The following CUBN variants were observed in gnomAD, a reference collection of about 807,000 sequenced individuals.
The protein encoded by CUBN is 460 kDa receptor.
In CUBN, 282 loss-of-function variants were observed where a neutral mutation model predicts 405.3. The ratio of observed to expected loss-of-function variants is 0.70; its 90% CI spans 0.63 to 0.77. CUBN has a LOEUF of 0.77. Ranked by LOEUF, CUBN falls within the 30% of genes least tolerant of loss-of-function variation. The pLI, the probability that CUBN is intolerant of heterozygous loss-of-function variation, is 0.00. For missense variants in CUBN, 4,514 were observed against 4,475.2 expected, an observed-to-expected ratio of 1.01 and a Z score of -0.25; for synonymous variants, 1,684 against 1,617.0, an observed-to-expected ratio of 1.04 and a Z score of -0.99.
chr10:17,048,877 G>C (rs1158795372), intron 22 of CUBN, among the ~76,000 whole-genome samples: 2 of 152,172 alleles, frequency 1.3e-5, no homozygotes, highest in Non-Finnish European at 2.9e-5. Context: ...TGAAAACATA[G>C]AGATGCATAG....
At chr10:16,957,020 G>C (rs1588518874) in intron 31 of CUBN, among the ~76,000 whole-genome samples, 1 of 152,100 alleles carries the variant, frequency 6.6e-6, no homozygotes, top group Non-Finnish European at 1.5e-5. Flanking sequence ...TTTATTTGTG[G>C]TGAGACCATT....
At position 16,840,973 on chromosome 10, in the gene CUBN, G is replaced by A; in HGVS notation, c.9738C>T (p.Ile3246=). The change falls in exon 61 of 67, where the codon ATC becomes ATT. Residue 3246 remains isoleucine (I), a synonymous_variant. Transcript: ENST00000377833. The stretch of plus-strand genomic sequence containing the variant: ...GAACCGTAAGGAAGTTACCAGAAGA[G>A]ATAAAAGGAGCAGGTACTGTGGAAC... ...FCGSTVPAPF[I]SSGNFLTVQF... 1 of 1,613,986 alleles carries A rather than the reference G, an allele frequency of 6.2e-7. No homozygotes were observed. Among genetic ancestry groups the A allele is most frequent in the Non-Finnish European group, 8.5e-7 (1 of 1,179,918 alleles).
Position 17,084,297 on chromosome 10 carries a change from T to C in CUBN, c.2275A>G (p.Ser759Gly), listed in dbSNP as rs1025857840. 6 of 1,613,992 alleles carry C rather than the reference T, an allele frequency of 3.7e-6. No homozygotes were observed. Among genetic ancestry groups the C allele is most frequent in the African/African-American group, 2.7e-5 (2 of 74,930 alleles). ...TCAATGTAATTCTGAGAACTGTCACTCTGGCATTGCAGCTCCACGTGGGTG... is the reference window on the plus strand; with the variant it reads ...TCAATGTAATTCTGAGAACTGTCACCCTGGCATTGCAGCTCCACGTGGGTG... ...NFTHVELQCQ[S>G]DSSQNYIEVR... The change falls in exon 17 of 67, where the codon AGT (serine) becomes GGT (glycine). Residue 759 changes from serine (S) to glycine (G), a missense_variant. Ser to Gly is a moderately conservative substitution (Grantham distance 56, BLOSUM62 0). Transcript: ENST00000377833.
At chr10:16,844,853 T>C (rs1236690847) in intron 60 of CUBN, among the ~76,000 whole-genome samples, 1 of 152,148 alleles carries the variant, frequency 6.6e-6, no homozygotes, top group Non-Finnish European at 1.5e-5. Flanking sequence ...GGGGGAATCA[T>C]ATATAAACTG....
chr10:16,941,609 T>C (rs754360910), intron 36 of CUBN, among the ~76,000 whole-genome samples: 5 of 152,180 alleles, frequency 3.3e-5, no homozygotes, highest in Non-Finnish European at 7.3e-5. Context: ...TTTGGGAGGC[T>C]GAGGTGGGAG....
intron 36 of CUBN, among the ~76,000 whole-genome samples, chr10:16,944,967 T>G (rs936431524): frequency 2.0e-5 from 3 of 152,228 alleles, no homozygotes; most frequent in African/African-American, 7.2e-5. Context: ...GACATCTTCT[T>G]TAACCTTCAC....
chr10:16,892,000 G>A (rs550597263), intron 54 of CUBN, among the ~76,000 whole-genome samples: 6 of 152,284 alleles, frequency 3.9e-5, no homozygotes, highest in South Asian at 2.1e-4. Flanking sequence ...CACATGGAAT[G>A]ATACCAAATT....
intron 54 of CUBN, 128 bp downstream of exon 54, chr10:16,898,868 T>A (rs1841273298): frequency 1.4e-6 from 1 of 737,216 alleles, no homozygotes; most frequent in Non-Finnish European, 2.5e-6. Flanking sequence ...TCTCACTTTC[T>A]CACTTTTCAT....
intron 14 of CUBN, among the ~76,000 whole-genome samples, chr10:17,093,623 T>C (rs1836311894): frequency 6.6e-6 from 1 of 151,406 alleles, no homozygotes; most frequent in Non-Finnish European, 1.5e-5. Flanking sequence ...CTGCAACATA[T>C]CACGTATAAT....
chr10:16,982,379 G>T, intron 31 of CUBN, 105 bp downstream of exon 31: 2 of 1,037,474 alleles, frequency 1.9e-6, no homozygotes, highest in Non-Finnish European at 2.9e-6. Context: ...CCTATGAATC[G>T]ACATTAAAAA....
At chr10:16,888,027 G>A (rs914659281) in intron 56 of CUBN, among the ~76,000 whole-genome samples, 26 of 152,078 alleles carry the variant, frequency 1.7e-4, no homozygotes, top group African/African-American at 4.8e-4. Context: ...TAAAAATGTC[G>A]AACTCATAGA....
At chr10:16,858,283 T>C (rs573622227) in intron 59 of CUBN, among the ~76,000 whole-genome samples, 147 of 152,348 alleles carry the variant, frequency 9.6e-4, no homozygotes, top group Non-Finnish European at 1.8e-3. Context: ...GCAAGGTTTT[T>C]CTGCAAACAT....
At chr10:17,071,370 T>C in intron 19 of CUBN, 56 bp downstream of exon 19, 3 of 1,544,064 alleles carry the variant, frequency 1.9e-6, no homozygotes, top group East Asian at 2.4e-5. Context: ...CAACAACCCA[T>C]AATATTTTTT....
intron 42 of CUBN, 76 bp downstream of exon 42, chr10:16,925,508 A>G: frequency 1.9e-6 from 3 of 1,608,846 alleles, no homozygotes; most frequent in Non-Finnish European, 2.6e-6. Context: ...ATGTCCCAGG[A>G]GAGAAAAATT....
At chr10:17,063,918 A>T (rs1439678917) in intron 22 of CUBN, among the ~76,000 whole-genome samples, 1 of 152,222 alleles carries the variant, frequency 6.6e-6, no homozygotes, top group African/African-American at 2.4e-5. Context: ...AGAGAGTTCA[A>T]GTGACTTGCT....
chr10:16,849,505 G>A (rs1172284785), intron 60 of CUBN, among the ~76,000 whole-genome samples: 1 of 152,132 alleles, frequency 6.6e-6, no homozygotes, highest in Non-Finnish European at 1.5e-5. Flanking sequence ...TCACTTGTCT[G>A]TCTTGCTCTC....
At position 16,877,036 on chromosome 10, in the gene CUBN, G is replaced by A. The variant is rs560485793; in HGVS notation, c.8967C>T (p.Ser2989=). The A allele has an allele frequency of 1.8e-5, 29 of 1,614,110 alleles. No homozygotes were observed. The highest frequency in any genetic ancestry group is 1.1e-4 in the South Asian group (10 of 91,074). ...CAGTAGCAAATGGGGTGGACATGAC[G>A]CTGTAACCTCTGATAATGTGCACGC... The part of the protein sequence containing the change: ...NDGVHIIRGY[S]VMSTPFATVC... Residue 2989 remains serine, a synonymous_variant, in exon 57 of 67, where the codon AGC becomes AGT. Transcript: ENST00000377833.
At chr10:16,971,365 CAACT>C (rs1832928832) in intron 31 of CUBN, among the ~76,000 whole-genome samples, 1 of 152,206 alleles carries the variant, frequency 6.6e-6, no homozygotes, top group Admixed American at 6.5e-5. Context: ...AATCCCTGGA[CAACT>C]AACTAACAAG....
At chr10:17,035,294 G>A (rs1028241484) in intron 27 of CUBN, among the ~76,000 whole-genome samples, 1 of 152,066 alleles carries the variant, frequency 6.6e-6, no homozygotes, top group African/African-American at 2.4e-5. Flanking sequence ...ATACGAACTA[G>A]CTAAACTTTG....
Sources: allele counts gnomAD v4.1 joint callset (sites outside exome capture counted in the v4.1 genomes callset), GRCh38; gene constraint gnomAD v4.1.1; transcripts MANE v1.5; gene names NCBI Gene and HGNC (gene_info 2026-07-23, HGNC 2026-07-21).